Variants in HRH2 observed in about 807,000 individuals in gnomAD.
HRH2 encodes the protein histamine receptor H2, also known as histamine H2 receptor.
Under a neutral mutation model 20.1 loss-of-function variants are expected in HRH2, and 4 were observed. That is an observed-to-expected ratio of 0.20 (90% CI 0.10 to 0.45). The LOEUF (loss-of-function observed/expected upper bound fraction) is 0.45. HRH2 is among the 20% of genes least tolerant of loss of function. The pLI is 0.99. For synonymous variants in HRH2, 197 were observed against 200.7 expected, an observed-to-expected ratio of 0.98 and a Z score of 0.16; for missense variants, 250 against 461.6, an observed-to-expected ratio of 0.54 and a Z score of 4.20.
intron 1 of HRH2, among the ~76,000 whole-genome samples, chr5:175,658,518 G>A (rs997136883): frequency 1.3e-5 from 2 of 152,176 alleles, no homozygotes; most frequent in Admixed American, 1.3e-4. Context: ...AAGTGCACTT[G>A]CGCCGAAACA....
intron 1 of HRH2, among the ~76,000 whole-genome samples, chr5:175,662,123 T>C (rs1335582352): frequency 6.6e-6 from 1 of 152,020 alleles, no homozygotes; most frequent in African/African-American, 2.4e-5. Context: ...CTCAGGGCTT[T>C]GATAGGGGGT....
chr5:175,706,088 C>T (rs567251617), intron 2 of HRH2, among the ~76,000 whole-genome samples: 2 of 152,192 alleles, frequency 1.3e-5, no homozygotes, highest in Admixed American at 6.5e-5. Context: ...TCATAAAACA[C>T]GATTTTATAT....
At position 175,674,413 on chromosome 5, in the gene HRH2, T is replaced by C. The variant is rs144167631; in HGVS notation, c.-525-8296T>C. ...GTGGTAGGTGCTCGGGAAATGGAAG[T>C]GGCCAGGGTCCTTGCTTCAAGTCCA... On this transcript the variant is annotated intron_variant, in intron 1 of 2. Coordinates refer to ENST00000636584, the MANE Select transcript of HRH2 (RefSeq NM_001367711.1). 2.9e-3 allele frequency among the ~76,000 whole-genome samples: 440 copies of C among 152,284 alleles called. 12 individuals are homozygous for C. Among genetic ancestry groups the C allele is most frequent in the Admixed American group, 0.028 (421 of 15,298 alleles).
chr5:175,666,806 A>G (rs996652994), intron 1 of HRH2, among the ~76,000 whole-genome samples: 2 of 152,156 alleles, frequency 1.3e-5, no homozygotes, highest in Non-Finnish European at 2.9e-5. Flanking sequence ...GCCTTCTTCT[A>G]AAGACTGATT....
Position 175,683,173 on chromosome 5 carries a change from T to G in HRH2, c.-61T>G, listed in dbSNP as rs1331386313. ...CCAGTGGTTGGCATAGTTGTCACAT[T>G]GGGAGCAGAGAAGAAGCAACCAGGG... is the stretch of plus-strand genomic sequence containing the variant. On this transcript the variant is annotated 5_prime_UTR_variant, in exon 2 of 3. In the 5' UTR this introduces an upstream ATG that the reference lacks. Transcript: ENST00000636584. 4 of 1,558,718 alleles carry G rather than the reference T, an allele frequency of 2.6e-6. No individual in the cohort carries two copies. Among genetic ancestry groups the G allele is most frequent in the Non-Finnish European group, 3.5e-6 (4 of 1,151,004 alleles).
rs983048968 is a variant in HRH2 at position 175,677,339 on chromosome 5, A to G, written c.-525-5370A>G. The stretch of plus-strand genomic sequence containing the variant: ...TGATGGACATGTAGGTTGATTCCAT[A>G]TCTTAGCTACTGTGAATAGTGCTGT... On this transcript the variant is annotated intron_variant, in intron 1 of 2. Transcript: ENST00000636584. This position sits in a 1 kb window ranked among gnomAD's most constrained non-coding sequence, Gnocchi z 4.2. Among the ~76,000 whole-genome samples, 2 of 152,220 alleles carry G rather than the reference A, an allele frequency of 1.3e-5. No individual in the cohort carries two copies. Among genetic ancestry groups the G allele is most frequent in the East Asian group, 3.8e-4 (2 of 5,204 alleles).
At chr5:175,696,754 GC>G (rs751708427) in intron 2 of HRH2, among the ~76,000 whole-genome samples, 23 of 152,198 alleles carry the variant, frequency 1.5e-4, no homozygotes, top group Non-Finnish European at 2.8e-4. Flanking sequence ...TGGCCGTGTG[GC>G]CCCCTTGCTG....
At chr5:175,696,796 C>T (rs1324991578) in intron 2 of HRH2, among the ~76,000 whole-genome samples, 1 of 152,110 alleles carries the variant, frequency 6.6e-6, no homozygotes, top group Non-Finnish European at 1.5e-5. Context: ...CCTTAACTTC[C>T]CCTTCTATAA....
rs556155426 is a variant in HRH2, at chr5:175,684,049, C to T, written c.816C>T (p.Ile272=). The change falls in exon 2 of 3, where the codon ATC becomes ATT. Residue 272 remains isoleucine (I), a synonymous_variant. Coordinates refer to ENST00000636584, the MANE Select transcript of HRH2 (RefSeq NM_001367711.1). ...DDAINEVLEA[I]VLWLGYANSA... The stretch of plus-strand genomic sequence containing the variant: ...CCATCAATGAGGTGTTAGAAGCCAT[C>T]GTTCTGTGGCTGGGCTATGCCAACT... The T allele has an allele frequency of 2.2e-5, 36 of 1,614,138 alleles. 1 individual carries two copies. Among genetic ancestry groups the T allele is most frequent in the South Asian group, 1.6e-4 (15 of 91,084 alleles).
intron 1 of HRH2, among the ~76,000 whole-genome samples, chr5:175,662,084 TGTGGCGAGA>T (rs1762754521): frequency 6.6e-6 from 1 of 151,454 alleles, no homozygotes; most frequent in Non-Finnish European, 1.5e-5. Flanking sequence ...GACAGTGGGG[TGTGGCGAGA>T]GTGGTGTGTA....
chr5:175,702,893 T>C (rs1425821670), intron 2 of HRH2, among the ~76,000 whole-genome samples: 1 of 152,098 alleles, frequency 6.6e-6, no homozygotes, highest in Non-Finnish European at 1.5e-5. Flanking sequence ...AAGATAAATA[T>C]GATCACCATA....
At chr5:175,670,457 G>A (rs1221508265) in intron 1 of HRH2, among the ~76,000 whole-genome samples, 1 of 152,170 alleles carries the variant, frequency 6.6e-6, no homozygotes, top group Non-Finnish European at 1.5e-5. Flanking sequence ...AACTAGGGGA[G>A]ACACATGTTG....
At chr5:175,692,819 A>AC (rs1398114508) in intron 2 of HRH2, among the ~76,000 whole-genome samples, 2 of 152,118 alleles carry the variant, frequency 1.3e-5, no homozygotes, top group Non-Finnish European at 2.9e-5. Flanking sequence ...GAGCGTGCCA[A>AC]CCCCCCAACT....
rs141049213 is a variant in HRH2, at chr5:175,683,944, C to T, written c.711C>T (p.Ala237=). ...IREHKATVTL[A]AVMGAFIICW... ...AGCACAAAGCCACAGTGACACTGGC[C>T]GCCGTCATGGGGGCCTTCATCATCT... is the stretch of plus-strand genomic sequence containing the variant. Residue 237 remains alanine (A), a synonymous_variant, in exon 2 of 3, where the codon GCC becomes GCT. Coordinates refer to ENST00000636584, the MANE Select transcript of HRH2 (RefSeq NM_001367711.1). The T allele has an allele frequency of 1.3e-3, 2,111 of 1,614,158 alleles. 7 individuals are homozygous for T. Among genetic ancestry groups the T allele is most frequent in the Non-Finnish European group, 1.6e-3 (1,855 of 1,180,032 alleles).
rs1210081941 is a variant in HRH2 at position 175,710,069 on chromosome 5, T to C, written c.*2098T>C. 1 of 152,392 alleles carries C rather than the reference T, an allele frequency of 6.6e-6. No homozygotes were observed. The highest frequency in any genetic ancestry group is 1.5e-5 in the Non-Finnish European group (1 of 68,182). 9.4% of individuals were successfully genotyped at this position (152,392 alleles called of 1,614,324 possible). The stretch of plus-strand genomic sequence containing the variant: ...TGTCACTTCCTTGAGGAAGTCTTCC[T>C]TGACCCTCCACACCAAACCAGGCCC... On this transcript the variant is annotated 3_prime_UTR_variant, in exon 3 of 3. Transcript: ENST00000636584.
chr5:175,683,471 C>G lies in HRH2; in HGVS notation c.238C>G (p.Leu80Val). Residue 80 changes from leucine (L) to valine (V), a missense_variant, in exon 2 of 3, where the codon CTG (leucine) becomes GTG (valine). This residue lies in a region of HRH2 where 86 missense variants were observed against 176.4 expected (regional missense o/e 0.49). Transcript: ENST00000636584. ...GCTGCCCTTCTCTGCCATCTACCAG[C>G]TGTCCTGCAAGTGGAGCTTTGGCAA... is the stretch of plus-strand genomic sequence containing the variant. ...LVLPFSAIYQLSCKWSFGKVF... is the reference protein window; with the variant it reads ...LVLPFSAIYQVSCKWSFGKVF... The G allele has an allele frequency of 6.2e-7, 1 of 1,614,214 alleles. No individual in the cohort carries two copies. Among genetic ancestry groups the G allele is most frequent in the South Asian group, 1.1e-5 (1 of 91,082 alleles).
intron 1 of HRH2, among the ~76,000 whole-genome samples, chr5:175,667,272 C>T (rs187718632): frequency 1.3e-5 from 2 of 152,070 alleles, no homozygotes; most frequent in East Asian, 1.9e-4. Flanking sequence ...GGTGAAAACT[C>T]ATCTCTACTA....
chr5:175,658,630 C>T (rs1485501288), intron 1 of HRH2, among the ~76,000 whole-genome samples: 2 of 152,064 alleles, frequency 1.3e-5, no homozygotes, highest in African/African-American at 4.8e-5. Context: ...CAGCGGAGAG[C>T]GGGGGCTGCT....
intron 1 of HRH2, among the ~76,000 whole-genome samples, chr5:175,661,719 C>T (rs933240528): frequency 1.3e-5 from 2 of 152,176 alleles, no homozygotes; most frequent in Admixed American, 6.5e-5. Context: ...GGGACCTAGG[C>T]ATATAAAAGA....
Sources: allele counts gnomAD v4.1 joint callset (sites outside exome capture counted in the v4.1 genomes callset), GRCh38; gene constraint gnomAD v4.1.1; regional missense constraint gnomAD v4.1.1; non-coding constraint Gnocchi (gnomAD v3.1); transcripts MANE v1.5; gene names NCBI Gene and HGNC (gene_info 2026-07-23, HGNC 2026-07-21).